The following PAX2 variants were observed in gnomAD, a reference collection of about 807,000 sequenced individuals.
The protein encoded by PAX2 is paired box 2.
In PAX2, 9 loss-of-function variants were observed where a neutral mutation model predicts 41.7. The ratio of observed to expected loss-of-function variants is 0.22; its 90% CI spans 0.13 to 0.38. The LOEUF (loss-of-function observed/expected upper bound fraction) is 0.38, where lower values mean the gene tolerates loss of function less well. Among genes scored for constraint, PAX2 ranks in the 10% least tolerant of loss-of-function variants. PAX2 has a pLI of 1.00. For synonymous variants in PAX2, 221 were observed against 212.7 expected (o/e 1.04, Z -0.34); for missense variants, 418 against 531.6 (o/e 0.79, Z 2.10).
intron 7 of PAX2, among the ~76,000 whole-genome samples, chr10:100,814,372 AAAG>A (rs1848114358): frequency 1.3e-5 from 2 of 151,714 alleles, no homozygotes; most frequent in Non-Finnish European, 2.9e-5. Context: ...AAAAAAAAAA[AAAG>A]ATCAAAGGAA....
At chr10:100,749,240 T>C in intron 1 of PAX2, 1 of 991,020 alleles carries the variant, frequency 1.0e-6, no homozygotes, top group South Asian at 4.7e-5. Context: ...TTATCCCCTG[T>C]CTGTGCTAGG....
chr10:100,743,951 C>A (rs967110520), upstream of PAX2, among the ~76,000 whole-genome samples: 3 of 152,206 alleles, frequency 2.0e-5, no homozygotes, highest in African/African-American at 7.2e-5. Context: ...GCTTATTGGG[C>A]TCTGGAGGAT....
chr10:100,741,858 G>T (rs933059979), upstream of PAX2, among the ~76,000 whole-genome samples: 11 of 152,148 alleles, frequency 7.2e-5, no homozygotes, highest in Non-Finnish European at 1.5e-4. Flanking sequence ...TTTGGTCCGC[G>T]CTGTGGGGAG....
rs1252124609 is a variant in PAX2 at position 100,827,710 on chromosome 10, A to C, written c.*91A>C. 3 of 1,609,150 alleles carry C rather than the reference A, an allele frequency of 1.9e-6. No homozygotes were observed. The South Asian group carries it at 3.3e-5, about 18-fold the overall frequency. On this transcript the variant is annotated 3_prime_UTR_variant, in exon 10 of 10. Coordinates refer to ENST00000355243, the MANE Select transcript of PAX2 (RefSeq NM_000278.5). This position sits in a 1 kb window ranked among gnomAD's most constrained non-coding sequence, Gnocchi z 8.5. ...CCCACCCCGGAGGGAGGGAGGACCG[A>C]CGCGACGCGATGCCTCCCGGCCACC...
At chr10:100,800,086 A>G (rs1847499910) in intron 5 of PAX2, among the ~76,000 whole-genome samples, 1 of 151,906 alleles carries the variant, frequency 6.6e-6, no homozygotes, top group South Asian at 2.1e-4. Flanking sequence ...GCGCCCGGCC[A>G]AAGTTAGTGT....
intron 7 of PAX2, among the ~76,000 whole-genome samples, chr10:100,810,395 T>C (rs1262140390): frequency 6.6e-6 from 1 of 152,230 alleles, no homozygotes; most frequent in Non-Finnish European, 1.5e-5. Flanking sequence ...TACAACTGTT[T>C]CCAGCCTAGA....
At chr10:100,763,434 A>G (rs1371516127) in intron 3 of PAX2, among the ~76,000 whole-genome samples, 1 of 152,252 alleles carries the variant, frequency 6.6e-6, no homozygotes, top group Non-Finnish European at 1.5e-5. Flanking sequence ...TGTTCTCATT[A>G]GAAAGCATCT....
At chr10:100,751,906 G>C (rs908846646) in intron 3 of PAX2, among the ~76,000 whole-genome samples, 1 of 152,040 alleles carries the variant, frequency 6.6e-6, no homozygotes, top group Non-Finnish European at 1.5e-5. Flanking sequence ...ATGAAAAGAG[G>C]GCTAAGCAGT....
In PAX2 at chr10:100,827,523, TCTC is replaced by T. The variant is rs767549190; in HGVS notation, c.1109-17_1109-15del. On this transcript the variant is annotated splice_polypyrimidine_tract_variant and intron_variant, in intron 9 of 9. Transcript: ENST00000355243. This position sits in a 1 kb window ranked among gnomAD's most constrained non-coding sequence, Gnocchi z 8.5. ...TTTGTCCTCTCACCCAGCCCATTCT[TCTC>T]CTGTGTTAACTTCCAGGTTCCCCTT... 2.0e-5 allele frequency: 33 copies of T among 1,612,018 alleles called. No individual in the cohort carries two copies. Among genetic ancestry groups the T allele is most frequent in the African/African-American group, 6.7e-5 (5 of 74,870 alleles).
At chr10:100,771,260 T>C (rs539122023) in intron 3 of PAX2, among the ~76,000 whole-genome samples, 37 of 152,310 alleles carry the variant, frequency 2.4e-4, no homozygotes, top group African/African-American at 8.7e-4. Context: ...ACAGCCAGAA[T>C]GGAAGGTCCT....
chr10:100,771,029 G>A (rs568738904), intron 3 of PAX2, among the ~76,000 whole-genome samples: 7 of 152,280 alleles, frequency 4.6e-5, no homozygotes, highest in Non-Finnish European at 8.8e-5. Flanking sequence ...TCTAATTCAG[G>A]TCTAAGATGG....
chr10:100,738,028 G>A (rs930567310), intron 1 of PAX2, among the ~76,000 whole-genome samples: 2 of 152,230 alleles, frequency 1.3e-5, no homozygotes, highest in African/African-American at 4.8e-5. Context: ...ACAAAAATAA[G>A]CCGTTTATTC....
intron 7 of PAX2, among the ~76,000 whole-genome samples, chr10:100,822,170 T>C (rs1015294020): frequency 6.6e-6 from 1 of 152,172 alleles, no homozygotes; most frequent in African/African-American, 2.4e-5. Flanking sequence ...AGTTCTACTC[T>C]GCTTGTTCTC....
At chr10:100,744,540 C>T (rs756647902), upstream of PAX2, among the ~76,000 whole-genome samples, 10 of 152,218 alleles carry the variant, frequency 6.6e-5, no homozygotes, top group Non-Finnish European at 1.5e-4. Flanking sequence ...GGGACGTCCC[C>T]GTGGTTGCGC....
At chr10:100,776,755 C>T (rs1301366643) in intron 3 of PAX2, among the ~76,000 whole-genome samples, 2 of 152,198 alleles carry the variant, frequency 1.3e-5, no homozygotes, top group African/African-American at 4.8e-5. Context: ...TTATTCCTGA[C>T]CTGCTGATGT....
At chr10:100,766,108 A>C (rs1846019356) in intron 3 of PAX2, among the ~76,000 whole-genome samples, 1 of 152,256 alleles carries the variant, frequency 6.6e-6, no homozygotes, top group Non-Finnish European at 1.5e-5. Context: ...AAGGTCACAG[A>C]CTAAGTAGCA....
chr10:100,735,645 G>T lies in PAX2; in HGVS notation c.-64G>T, dbSNP rs982351964. The T allele has an allele frequency of 5.7e-6, 6 of 1,057,876 alleles. No homozygotes were observed. The African/African-American group carries it at 6.6e-5, about 12-fold the overall frequency. The allele number at this position is 1,057,876 out of a possible 1,614,324, so 65.5% of individuals were successfully genotyped here. A position where few individuals can be genotyped will look rare whatever the true frequency, so the allele number is the denominator to read the frequency against. On this transcript the variant is annotated 5_prime_UTR_variant, in exon 1 of 10. Coordinates refer to the PAX2 transcript ENST00000679374. Reference sequence around the variant, plus strand: ...GGCGGCGAAGGCGAGACGCGTTGTCGGGCCGCGGAGGAGCGGGACAGCCAG... The same window carrying T: ...GGCGGCGAAGGCGAGACGCGTTGTCTGGCCGCGGAGGAGCGGGACAGCCAG...
chr10:100,749,277 T>C (rs1470661781), intron 1 of PAX2: 11 of 995,782 alleles, frequency 1.1e-5, no homozygotes, highest in Non-Finnish European at 1.2e-5. Flanking sequence ...CAGCCGAGCC[T>C]CGACGCCCCC....
chr10:100,750,060 GGAGA>G lies in PAX2; in HGVS notation c.212+150_212+153del. The G allele has an allele frequency of 1.0e-6, 1 of 965,182 alleles. No homozygotes were observed. The highest frequency in any genetic ancestry group is 1.5e-6 in the Non-Finnish European group (1 of 653,082). 59.8% of individuals were successfully genotyped at this position (965,182 alleles called of 1,614,324 possible). ...AGGGGTCTGGAGAGGTGCTCCTTTT[GGAGA>G]GAGTGTTCAGATGGTGGCTGAAGAC... is the stretch of plus-strand genomic sequence containing the variant. On this transcript the variant is annotated intron_variant, in intron 2 of 9. Transcript: ENST00000355243. The surrounding 1 kb of genome is among the most constrained non-coding windows in gnomAD (Gnocchi z 4.1).
Sources: gnomAD v4.1 joint callset for allele counts (sites outside exome capture counted in the v4.1 genomes callset) on GRCh38, gnomAD v4.1.1 for gene constraint, Gnocchi (gnomAD v3.1) non-coding constraint, MANE v1.5 for transcripts, NCBI Gene and HGNC (gene_info 2026-07-23, HGNC 2026-07-21) for gene names.